Variants in GCA observed in about 807,000 individuals in gnomAD.
The protein encoded by GCA is grancalcin, EF-hand calcium-binding protein.
A neutral mutation model predicts 32.6 loss-of-function variants in GCA; 30 were observed. That is an observed-to-expected ratio of 0.92 (90% CI 0.69 to 1.25). The LOEUF (loss-of-function observed/expected upper bound fraction) is 1.25, where lower values mean the gene tolerates loss of function less well. GCA is among the 50% of genes most tolerant of loss of function. The pLI is 0.00. For missense variants in GCA, 291 were observed against 266.8 expected (o/e 1.09, Z -0.63); for synonymous variants, 102 against 84.6 (o/e 1.21, Z -1.13).
At chr2:162,341,627 T>C (rs1324767209), upstream of GCA, among the ~76,000 whole-genome samples, 5 of 152,192 alleles carry the variant, frequency 3.3e-5, no homozygotes, top group Non-Finnish European at 7.3e-5. Flanking sequence ...CAAAACAATG[T>C]GTTTCCTTGG....
At chr2:162,366,724 G>GCTATTGCAAAGCTAGAAAA (rs1238043035), downstream of GCA, among the ~76,000 whole-genome samples, 1 of 151,910 alleles carries the variant, frequency 6.6e-6, no homozygotes, top group Non-Finnish European at 1.5e-5. Flanking sequence ...AGAGGGATGA[G>GCTATTGCAAAGCTAGAAAA]CTATTGCAAA....
Position 162,363,113 on chromosome 2 carries a change from T to G in GCA, c.*2870T>G, listed in dbSNP as rs77836211. On this transcript the variant is annotated 3_prime_UTR_variant, in exon 8 of 8. Coordinates refer to ENST00000437150, the MANE Select transcript of GCA (RefSeq NM_012198.5). ...AACTGGACAAACAAAATAAATACTC[T>G]TTGTCGGAAATGTGCTCTTTGTCTT... 0.021 allele frequency among the ~76,000 whole-genome samples: 3,114 copies of G among 151,586 alleles called. 113 individuals carry two copies. Among genetic ancestry groups the G allele is most frequent in the African/African-American group, 0.072 (2,988 of 41,482 alleles).
chr2:162,332,886 A>G (rs917016580), intron 1 of GCA, among the ~76,000 whole-genome samples: 1 of 152,118 alleles, frequency 6.6e-6, no homozygotes, highest in Non-Finnish European at 1.5e-5. Flanking sequence ...GAGAGGCTCA[A>G]TGGGTGGATC....
downstream of GCA, among the ~76,000 whole-genome samples, chr2:162,375,124 A>G (rs966989021): frequency 3.3e-5 from 5 of 152,166 alleles, no homozygotes; most frequent in African/African-American, 1.2e-4. Flanking sequence ...TTCTCCTCTG[A>G]GCCTCCAAAG....
In GCA at chr2:162,362,525, A is replaced by G; in HGVS notation, c.*2282A>G. The G allele has an allele frequency of 1.0e-6, 1 of 967,326 alleles. No homozygotes were observed. The highest frequency in any genetic ancestry group is 1.2e-6 in the Non-Finnish European group (1 of 813,616). The allele number at this position is 967,326 out of a possible 1,614,324, so 59.9% of individuals were successfully genotyped here. On this transcript the variant is annotated 3_prime_UTR_variant, in exon 8 of 8. Coordinates refer to ENST00000437150, the MANE Select transcript of GCA (RefSeq NM_012198.5). ...CACCCCAGTTCTTTTACGATGATGT[A>G]AATTATTGAATAATGTACACTCTTA...
Position 162,362,303 on chromosome 2 carries a change from G to A in GCA, c.*2060G>A. The A allele has an allele frequency of 1.0e-6, 1 of 984,280 alleles. No homozygotes were observed. The highest frequency in any genetic ancestry group is 1.2e-6 in the Non-Finnish European group (1 of 829,276). The allele number at this position is 984,280 out of a possible 1,614,324, so 61.0% of individuals were successfully genotyped here. Reference sequence around the variant, plus strand: ...CATTCTATGCCGATCCAACTTAATTGCCAGGCAACTCTTCTGCACTTTACA... The same window carrying A: ...CATTCTATGCCGATCCAACTTAATTACCAGGCAACTCTTCTGCACTTTACA... On this transcript the variant is annotated 3_prime_UTR_variant, in exon 8 of 8. Transcript: ENST00000437150.
Position 162,344,317 on chromosome 2 carries a change from G to C in GCA, c.27+42G>C, listed in dbSNP as rs941247402. On this transcript the variant is annotated intron_variant, in intron 1 of 7. Coordinates refer to ENST00000437150, the MANE Select transcript of GCA (RefSeq NM_012198.5). Reference sequence around the variant, plus strand: ...TGGTCGTGTCCCTCTTCCTCGCGGGGTGTGGCGCCCCCGGGGGCGGTGCCA... The same window carrying C: ...TGGTCGTGTCCCTCTTCCTCGCGGGCTGTGGCGCCCCCGGGGGCGGTGCCA... 14 of 1,603,572 alleles carry C rather than the reference G, an allele frequency of 8.7e-6. No individual in the cohort carries two copies. The Admixed American group carries it at 1.3e-4, about 15-fold the overall frequency.
chr2:162,340,207 G>A (rs1448816128), upstream of GCA, among the ~76,000 whole-genome samples: 5 of 152,108 alleles, frequency 3.3e-5, no homozygotes, highest in South Asian at 2.1e-4. Flanking sequence ...TGGTTGGTAG[G>A]CACCCTCACC....
At chr2:162,337,344 T>C (rs1684301366) in intron 1 of GCA, among the ~76,000 whole-genome samples, 1 of 152,246 alleles carries the variant, frequency 6.6e-6, no homozygotes, top group South Asian at 2.1e-4. Flanking sequence ...TTTTGATAAC[T>C]GCTTTCTTGC....
At chr2:162,326,390 G>A (rs1043074369) in intron 1 of GCA, among the ~76,000 whole-genome samples, 5 of 152,184 alleles carry the variant, frequency 3.3e-5, no homozygotes, top group South Asian at 4.1e-4. Context: ...CAGATTCTGA[G>A]GGTCAAAGTA....
At chr2:162,344,659 C>A in intron 1 of GCA, 1 of 302,884 alleles carries the variant, frequency 3.3e-6, no homozygotes. Flanking sequence ...ATTTCCTGAC[C>A]ACTTCTTGTT....
intron 1 of GCA, among the ~76,000 whole-genome samples, chr2:162,330,559 T>A (rs921038715): frequency 3.3e-5 from 5 of 152,214 alleles, no homozygotes; most frequent in African/African-American, 1.2e-4. Context: ...TCCCTTTTTG[T>A]GAGCCAAGTG....
intron 1 of GCA, among the ~76,000 whole-genome samples, chr2:162,320,088 C>A (rs761485587): frequency 2.0e-4 from 31 of 152,138 alleles, no homozygotes; most frequent in Non-Finnish European, 4.4e-4. Flanking sequence ...AACTGGTGGG[C>A]TCTTGATGAC....
chr2:162,373,767 CT>C, downstream of GCA: 1 of 660,568 alleles, frequency 1.5e-6, no homozygotes, highest in East Asian at 3.4e-5. Flanking sequence ...TATGGCCTTG[CT>C]TTAAACAAGA....
In GCA at chr2:162,362,726, A is replaced by C. The variant is rs1261826000; in HGVS notation, c.*2483A>C. 1 of 233,844 alleles carries C rather than the reference A, an allele frequency of 4.3e-6. No homozygotes were observed. Among genetic ancestry groups the C allele is most frequent in the African/African-American group, 2.3e-5 (1 of 42,884 alleles). 14.5% of individuals were successfully genotyped at this position (233,844 alleles called of 1,614,324 possible). ...ACAGTGCAGTAATTCACCTATATCTAAAAGACTGCCAAATTATTAAATGTC... is the reference window on the plus strand; with the variant it reads ...ACAGTGCAGTAATTCACCTATATCTCAAAGACTGCCAAATTATTAAATGTC... On this transcript the variant is annotated 3_prime_UTR_variant, in exon 8 of 8. Coordinates refer to ENST00000437150, the MANE Select transcript of GCA (RefSeq NM_012198.5).
chr2:162,325,687 A>G (rs1219570490), intron 1 of GCA, among the ~76,000 whole-genome samples: 2 of 152,058 alleles, frequency 1.3e-5, no homozygotes, highest in African/African-American at 4.8e-5. Context: ...CCCTGACACT[A>G]TATGTGATAC....
At chr2:162,330,033 A>C (rs1684022274) in intron 1 of GCA, among the ~76,000 whole-genome samples, 1 of 152,132 alleles carries the variant, frequency 6.6e-6, no homozygotes, top group Non-Finnish European at 1.5e-5. Flanking sequence ...CATGGTTTTC[A>C]ATGGTATATA....
chr2:162,348,916 G>A (rs1297194166), intron 2 of GCA, among the ~76,000 whole-genome samples: 1 of 151,942 alleles, frequency 6.6e-6, no homozygotes, highest in Non-Finnish European at 1.5e-5. Context: ...AATATTATAA[G>A]ATGCCAATGT....
At chr2:162,350,420 A>C (rs1264664158) in intron 2 of GCA, among the ~76,000 whole-genome samples, 2 of 152,180 alleles carry the variant, frequency 1.3e-5, no homozygotes, top group African/African-American at 4.8e-5. Context: ...CTATTGTATG[A>C]AACAATAAAC....
Sources: allele counts gnomAD v4.1 joint callset (sites outside exome capture counted in the v4.1 genomes callset), GRCh38; gene constraint gnomAD v4.1.1; transcripts MANE v1.5; gene names NCBI Gene and HGNC (gene_info 2026-07-23, HGNC 2026-07-21).